APP: variants seen among roughly 807,000 people sequenced by gnomAD.
APP encodes amyloid beta precursor protein.
In APP, 31 loss-of-function variants were observed where a neutral mutation model predicts 101.4. The observed-to-expected ratio is 0.31, with a 90% confidence interval of 0.23 to 0.41. APP has a LOEUF of 0.41. Among genes scored for constraint, APP ranks in the 10% least tolerant of loss-of-function variants. The pLI, the probability that APP is intolerant of heterozygous loss-of-function variation, is 1.00. For missense variants in APP, 839 were observed against 1,003.7 expected, an observed-to-expected ratio of 0.84 and a Z score of 2.22; for synonymous variants, 366 against 364.4, an observed-to-expected ratio of 1.00 and a Z score of -0.05.
intron 15 of APP, among the ~76,000 whole-genome samples, chr21:25,904,024 C>T (rs548257692): frequency 1.3e-5 from 2 of 152,326 alleles, no homozygotes; most frequent in South Asian, 4.1e-4. Context: ...GTATCTGAAC[C>T]AGGCAGCAAA....
intron 1 of APP, 56 bp from the exon 2 acceptor site, chr21:26,112,202 G>C (rs1350809208): frequency 6.4e-7 from 1 of 1,571,262 alleles, no homozygotes; most frequent in African/African-American, 1.4e-5. Context: ...GCAGAGGCTT[G>C]GAGGAAGAAC....
chr21:26,039,713 C>A (rs2045286117), intron 5 of APP, among the ~76,000 whole-genome samples: 1 of 152,152 alleles, frequency 6.6e-6, no homozygotes, highest in Admixed American at 6.5e-5. Flanking sequence ...TCTGACAACA[C>A]AATCAGATGA....
intron 1 of APP, among the ~76,000 whole-genome samples, chr21:26,132,596 G>C (rs1161551168): frequency 6.6e-6 from 1 of 152,106 alleles, no homozygotes; most frequent in Non-Finnish European, 1.5e-5. Flanking sequence ...TATGATTTCT[G>C]CTTTATTACT....
At chr21:26,026,475 T>TCTAA (rs2044580008) in intron 5 of APP, among the ~76,000 whole-genome samples, 1 of 152,142 alleles carries the variant, frequency 6.6e-6, no homozygotes, top group Non-Finnish European at 1.5e-5. Flanking sequence ...TCCTTCTGTT[T>TCTAA]CTAACTAAAG....
intron 11 of APP, among the ~76,000 whole-genome samples, chr21:25,957,566 A>G (rs971822452): frequency 6.6e-6 from 1 of 152,174 alleles, no homozygotes; most frequent in African/African-American, 2.4e-5. Flanking sequence ...GCTGTGACTA[A>G]TCGCATTTAA....
chr21:26,079,125 G>A (rs151050886), intron 3 of APP, among the ~76,000 whole-genome samples: 1 of 152,096 alleles, frequency 6.6e-6, no homozygotes, highest in Non-Finnish European at 1.5e-5. Flanking sequence ...ATGAGAAGAG[G>A]GTTCTGAAGA....
chr21:26,122,754 T>A (rs1272326375), intron 1 of APP, among the ~76,000 whole-genome samples: 3 of 151,642 alleles, frequency 2.0e-5, no homozygotes, highest in African/African-American at 7.2e-5. Context: ...AAAATTTTTT[T>A]ATTAAAAGAT....
rs1223104589 is a variant in APP, at chr21:26,000,932, TATTTA to T, written c.866-755_866-751del. On this transcript the variant is annotated intron_variant, in intron 6 of 17. Coordinates refer to ENST00000346798, the MANE Select transcript of APP (RefSeq NM_000484.4). ...TATAACAACGTATTATTAATTCTGC[TATTTA>T]ATTGATATTTATATATTAAAAATCT... Among the ~76,000 whole-genome samples the T allele has an allele frequency of 4.6e-5, 7 of 151,866 alleles. No homozygotes were observed. The East Asian group carries it at 1.2e-3, about 25-fold the overall frequency.
chr21:26,140,053 G>T, intron 1 of APP: 1 of 970,918 alleles, frequency 1.0e-6, no homozygotes, highest in Non-Finnish European at 1.6e-6. Context: ...GTCACAATAA[G>T]TAACATTGTA....
Position 25,955,708 on chromosome 21 carries a change from C to G in APP, c.1506G>C (p.Gln502His), listed in dbSNP as rs765603155. 6.2e-7 allele frequency: 1 copy of G among 1,614,186 alleles called. No homozygotes were observed. Among genetic ancestry groups the G allele is most frequent in the Non-Finnish European group, 8.5e-7 (1 of 1,180,024 alleles). ...GCTTTAGGGTGTGCTGTCTGTCCTT[C>G]TGTTCTGCGCGGACATACTTCTTTA... ...NMLKKYVRAE[Q>H]KDRQHTLKHF... Residue 502 changes from glutamine to histidine, a missense_variant, in exon 12 of 18, where the codon CAG (glutamine) becomes CAC (histidine). Transcript: ENST00000346798.
chr21:26,114,030 G>A (rs1189004561), intron 1 of APP, among the ~76,000 whole-genome samples: 2 of 152,100 alleles, frequency 1.3e-5, no homozygotes, highest in Admixed American at 6.6e-5. Context: ...TTCACCTTCC[G>A]AATTCATTCC....
At chr21:25,987,265 T>A (rs2042673548) in intron 8 of APP, among the ~76,000 whole-genome samples, 1 of 152,122 alleles carries the variant, frequency 6.6e-6, no homozygotes, top group Admixed American at 6.5e-5. Flanking sequence ...TGGCCTTGGG[T>A]CCCTCCTTCA....
At chr21:26,044,350 C>A (rs552510241) in intron 5 of APP, among the ~76,000 whole-genome samples, 7 of 152,158 alleles carry the variant, frequency 4.6e-5, no homozygotes, top group African/African-American at 1.7e-4. Flanking sequence ...TGAATATAGT[C>A]AAAAATCATC....
At chr21:26,076,818 C>CT (rs1274402542) in intron 3 of APP, among the ~76,000 whole-genome samples, 1 of 152,088 alleles carries the variant, frequency 6.6e-6, no homozygotes, top group African/African-American at 2.4e-5. Context: ...AATCCCGGCA[C>CT]TTTGGGAGGC....
chr21:26,135,082 C>T (rs1463811193), intron 1 of APP, among the ~76,000 whole-genome samples: 1 of 152,080 alleles, frequency 6.6e-6, no homozygotes, highest in Admixed American at 6.6e-5. Flanking sequence ...TTTTAAGAGC[C>T]CTGTCCTCAC....
chr21:25,906,977 T>C (rs1233190753), intron 14 of APP, among the ~76,000 whole-genome samples: 1 of 152,242 alleles, frequency 6.6e-6, no homozygotes, highest in Non-Finnish European at 1.5e-5. Flanking sequence ...CCACTGCTAA[T>C]GTCACCACTT....
intron 1 of APP, among the ~76,000 whole-genome samples, chr21:26,124,278 GA>G (rs777985518): frequency 1.1e-4 from 16 of 152,182 alleles, no homozygotes; most frequent in Non-Finnish European, 1.9e-4. Context: ...ACAGAGAAAA[GA>G]AAACATAGCA....
intron 11 of APP, among the ~76,000 whole-genome samples, chr21:25,966,204 G>T (rs2041790671): frequency 6.6e-6 from 1 of 152,124 alleles, no homozygotes; most frequent in Non-Finnish European, 1.5e-5. Context: ...AGTACTGAGT[G>T]GCTTTACTGA....
chr21:25,885,843 A>G (rs2146209904), intron 17 of APP, among the ~76,000 whole-genome samples: 1 of 152,280 alleles, frequency 6.6e-6, no homozygotes, highest in South Asian at 2.1e-4. Flanking sequence ...CACTGTATCC[A>G]GAGTAATTTA....
Sources: gnomAD v4.1 joint callset for allele counts (sites outside exome capture counted in the v4.1 genomes callset) on GRCh38, gnomAD v4.1.1 for gene constraint, MANE v1.5 for transcripts, NCBI Gene and HGNC (gene_info 2026-07-23, HGNC 2026-07-21) for gene names.